The following FGF14 variants were observed in gnomAD, a reference collection of about 807,000 sequenced individuals.
The protein encoded by FGF14 is fibroblast growth factor homologous factor 4.
Under a neutral mutation model 25.5 loss-of-function variants are expected in FGF14, and 5 were observed. That is an observed-to-expected ratio of 0.20 (90% CI 0.10 to 0.41). FGF14 has a LOEUF of 0.41. Among genes scored for constraint, FGF14 ranks in the 10% least tolerant of loss-of-function variants. The probability of loss-of-function intolerance (pLI) is 1.00; values close to 1 mark genes in which losing one functional copy is unlikely to be tolerated. For missense variants in FGF14, 222 were observed against 320.1 expected (o/e 0.69, Z 2.34); for synonymous variants, 138 against 118.3 (o/e 1.17, Z -1.08).
intron 1 of FGF14, among the ~76,000 whole-genome samples, chr13:102,039,565 T>C (rs1175487870): frequency 6.6e-6 from 1 of 152,162 alleles, no homozygotes; most frequent in East Asian, 1.9e-4. Flanking sequence ...CTGACTCCTG[T>C]CTCTGCCTCT....
At chr13:102,110,719 G>A (rs2045182258) in intron 1 of FGF14, among the ~76,000 whole-genome samples, 2 of 151,392 alleles carry the variant, frequency 1.3e-5, no homozygotes, top group African/African-American at 2.4e-5. Context: ...CAGCCCCCTC[G>A]CCCCTTAGAT....
At chr13:102,143,851 CTT>C (rs1311501224) in intron 1 of FGF14, among the ~76,000 whole-genome samples, 1 of 152,148 alleles carries the variant, frequency 6.6e-6, no homozygotes, top group Non-Finnish European at 1.5e-5. Flanking sequence ...CCTCCTCTCT[CTT>C]GGCTGTCACA....
chr13:102,188,470 C>T (rs1171187004), intron 1 of FGF14, among the ~76,000 whole-genome samples: 1 of 152,152 alleles, frequency 6.6e-6, no homozygotes, highest in African/African-American at 2.4e-5. Context: ...GTAATTTCCT[C>T]TTATGTGCCA....
At chr13:101,916,308 C>G (rs2033479220) in intron 1 of FGF14, 145 bp downstream of exon 1, 2 of 1,000,196 alleles carry the variant, frequency 2.0e-6, no homozygotes, top group South Asian at 2.7e-5. Context: ...CCAGGGTCCC[C>G]GCGACGGCAC....
At chr13:102,381,961 T>G (rs1277000318) in intron 1 of FGF14, among the ~76,000 whole-genome samples, 1 of 152,188 alleles carries the variant, frequency 6.6e-6, no homozygotes, top group Non-Finnish European at 1.5e-5. Context: ...AGAATGAAGT[T>G]GGACCCCTAC....
chr13:102,346,164 C>T (rs970964492), intron 1 of FGF14, among the ~76,000 whole-genome samples: 2 of 151,662 alleles, frequency 1.3e-5, no homozygotes, highest in African/African-American at 4.8e-5. Context: ...TTAACAAGCA[C>T]AAAAATAAAA....
chr13:102,056,458 A>G (rs927665350), intron 1 of FGF14, among the ~76,000 whole-genome samples: 1 of 152,212 alleles, frequency 6.6e-6, no homozygotes, highest in Non-Finnish European at 1.5e-5. Context: ...AGACACATTA[A>G]TTAACTTGTC....
At chr13:102,389,258 T>C (rs1012704019) in intron 1 of FGF14, among the ~76,000 whole-genome samples, 3 of 152,208 alleles carry the variant, frequency 2.0e-5, no homozygotes, top group South Asian at 2.1e-4. Context: ...GTAACTAACA[T>C]GTAATGTTAA....
intron 1 of FGF14, among the ~76,000 whole-genome samples, chr13:102,319,290 G>A (rs981919251): frequency 6.6e-6 from 1 of 152,206 alleles, no homozygotes; most frequent in African/African-American, 2.4e-5. Context: ...CTAGATGCAT[G>A]AATCCATGTC....
chr13:102,198,602 G>A (rs2049474671), intron 1 of FGF14, among the ~76,000 whole-genome samples: 1 of 152,182 alleles, frequency 6.6e-6, no homozygotes, highest in Non-Finnish European at 1.5e-5. Flanking sequence ...ACAGGGCGTG[G>A]TAATGTCAGT....
chr13:102,364,319 C>G (rs2057649452), intron 1 of FGF14, among the ~76,000 whole-genome samples: 1 of 152,228 alleles, frequency 6.6e-6, no homozygotes, highest in Admixed American at 6.5e-5. Flanking sequence ...ACACTACTTT[C>G]ATTCCAATTT....
At chr13:101,832,490 GCTTGAGTTGGTCA>G (rs2042722699) in intron 3 of FGF14, among the ~76,000 whole-genome samples, 2 of 152,058 alleles carry the variant, frequency 1.3e-5, no homozygotes, top group African/African-American at 4.8e-5. Flanking sequence ...GGAAGAAGAA[GCTTGAGTTGGTCA>G]CTTCTGAAGA....
chr13:102,382,559 T>C (rs927371200), intron 1 of FGF14, among the ~76,000 whole-genome samples: 2 of 152,132 alleles, frequency 1.3e-5, no homozygotes, highest in African/African-American at 4.8e-5. Flanking sequence ...TGATAAACAT[T>C]TGGTAGTCAC....
At chr13:101,772,600 A>C (rs2139979719) in intron 3 of FGF14, among the ~76,000 whole-genome samples, 1 of 152,220 alleles carries the variant, frequency 6.6e-6, no homozygotes, top group Admixed American at 6.5e-5. Context: ...CTAATTGGTA[A>C]GTTTAAAACG....
chr13:101,810,802 T>C (rs760491471), intron 3 of FGF14, among the ~76,000 whole-genome samples: 1 of 152,212 alleles, frequency 6.6e-6, no homozygotes, highest in Non-Finnish European at 1.5e-5. Context: ...TATTTCTGAC[T>C]GTCTTGGATT....
At chr13:101,887,022 T>C (rs2138854931) in intron 1 of FGF14, among the ~76,000 whole-genome samples, 2 of 152,198 alleles carry the variant, frequency 1.3e-5, no homozygotes, top group South Asian at 4.1e-4. Context: ...GACATGGCTA[T>C]AATCAAAATG....
chr13:102,105,931 C>T (rs1266704102), intron 1 of FGF14, among the ~76,000 whole-genome samples: 1 of 152,092 alleles, frequency 6.6e-6, no homozygotes, highest in Non-Finnish European at 1.5e-5. Context: ...CAACATATTG[C>T]AATCAATATT....
chr13:102,147,496 A>C (rs2046901423), intron 1 of FGF14, among the ~76,000 whole-genome samples: 1 of 152,262 alleles, frequency 6.6e-6, no homozygotes, highest in Non-Finnish European at 1.5e-5. Flanking sequence ...TGACACAAGG[A>C]AGGCAGACAA....
At chr13:101,976,449 G>A (rs2037931716) in intron 1 of FGF14, among the ~76,000 whole-genome samples, 1 of 152,094 alleles carries the variant, frequency 6.6e-6, no homozygotes, top group Non-Finnish European at 1.5e-5. Flanking sequence ...CCTATTGGGT[G>A]CTGTAAAACT....
Sources: gnomAD v4.1 joint callset for allele counts (sites outside exome capture counted in the v4.1 genomes callset) on GRCh38, gnomAD v4.1.1 for gene constraint, MANE v1.5 for transcripts, NCBI Gene and HGNC (gene_info 2026-07-23, HGNC 2026-07-21) for gene names.